The following SH3RF3 variants were observed in gnomAD, a reference collection of about 807,000 sequenced individuals.
SH3RF3 encodes E3 ubiquitin-protein ligase SH3RF3.
Under a neutral mutation model 66.3 loss-of-function variants are expected in SH3RF3, and 29 were observed. The observed-to-expected ratio is 0.44, with a 90% CI of 0.33 to 0.60. The LOEUF is 0.60. SH3RF3 is among the 20% of genes least tolerant of loss of function. The probability of loss-of-function intolerance (pLI) is 0.04; values close to 1 mark genes in which losing one functional copy is unlikely to be tolerated. For synonymous variants in SH3RF3, 583 were observed against 532.0 expected (o/e 1.10, Z -1.32); for missense variants, 1,194 against 1,190.9 (o/e 1.00, Z -0.04).
intron 1 of SH3RF3, among the ~76,000 whole-genome samples, chr2:109,202,881 A>AT (rs1461805394): frequency 6.6e-6 from 1 of 152,236 alleles, no homozygotes; most frequent in Non-Finnish European, 1.5e-5. Context: ...TGCTTGGCTG[A>AT]TTAGCACAGT....
intron 1 of SH3RF3, among the ~76,000 whole-genome samples, chr2:109,251,170 T>C (rs61272365): frequency 0.11 from 17,106 of 151,824 alleles, 1,530 homozygotes; most frequent in East Asian, 0.32. Context: ...GCCTGGCTAA[T>C]TTTTTTATTT....
chr2:109,406,888 A>G (rs1366771658), intron 4 of SH3RF3, among the ~76,000 whole-genome samples: 1 of 152,186 alleles, frequency 6.6e-6, no homozygotes, highest in Non-Finnish European at 1.5e-5. Flanking sequence ...AGGGGTGGGC[A>G]CATGGAGTCC....
intron 1 of SH3RF3, among the ~76,000 whole-genome samples, chr2:109,265,047 G>A (rs796074329): frequency 6.6e-5 from 10 of 152,338 alleles, no homozygotes; most frequent in African/African-American, 1.4e-4. Context: ...CTTGTGGACC[G>A]CAGTCTAATT....
intron 7 of SH3RF3, among the ~76,000 whole-genome samples, chr2:109,439,189 C>T (rs1677494629): frequency 6.6e-6 from 1 of 152,166 alleles, no homozygotes; most frequent in Non-Finnish European, 1.5e-5. Flanking sequence ...CTCAGTCCTC[C>T]ATCACCATAG....
chr2:109,405,257 G>C (rs1676424135), intron 4 of SH3RF3, among the ~76,000 whole-genome samples: 1 of 152,092 alleles, frequency 6.6e-6, no homozygotes, highest in South Asian at 2.1e-4. Flanking sequence ...CCGCAAACCT[G>C]CTTCCCCTTC....
At chr2:109,390,020 A>C (rs1216248386) in intron 3 of SH3RF3, among the ~76,000 whole-genome samples, 1 of 152,054 alleles carries the variant, frequency 6.6e-6, no homozygotes, top group African/African-American at 2.4e-5. Flanking sequence ...GAAATTAATC[A>C]CTTTGGTCCT....
chr2:109,448,289 G>A (rs1559088808), intron 7 of SH3RF3, among the ~76,000 whole-genome samples: 1 of 152,128 alleles, frequency 6.6e-6, no homozygotes, highest in Non-Finnish European at 1.5e-5. Context: ...ATTTTTCTGA[G>A]TGCTTCAGCT....
intron 3 of SH3RF3, among the ~76,000 whole-genome samples, chr2:109,373,417 A>G (rs1054985582): frequency 6.6e-6 from 1 of 152,254 alleles, no homozygotes; most frequent in African/African-American, 2.4e-5. Context: ...GTGTCCATCA[A>G]CAGTGGGATG....
chr2:109,185,615 C>G (rs374387720), intron 1 of SH3RF3, among the ~76,000 whole-genome samples: 1 of 152,082 alleles, frequency 6.6e-6, no homozygotes, highest in South Asian at 2.1e-4. Flanking sequence ...GGCAGAGAAG[C>G]CGGAGCCAAG....
At chr2:109,377,980 C>T (rs1247538453) in intron 3 of SH3RF3, among the ~76,000 whole-genome samples, 1 of 152,262 alleles carries the variant, frequency 6.6e-6, no homozygotes, top group African/African-American at 2.4e-5. Context: ...CCGCGTTCTG[C>T]ACTACCTCAA....
intron 1 of SH3RF3, among the ~76,000 whole-genome samples, chr2:109,185,137 G>A (rs1264692086): frequency 1.3e-5 from 2 of 152,152 alleles, no homozygotes; most frequent in Non-Finnish European, 1.5e-5. Context: ...TAGACAGTTT[G>A]GATTGCATCT....
At chr2:109,496,346 A>G (rs1679261706) in intron 9 of SH3RF3, among the ~76,000 whole-genome samples, 1 of 152,194 alleles carries the variant, frequency 6.6e-6, no homozygotes, top group Non-Finnish European at 1.5e-5. Flanking sequence ...CTTGCTAGCT[A>G]CAGAGTGCTG....
intron 1 of SH3RF3, among the ~76,000 whole-genome samples, chr2:109,195,910 A>G (rs1238999158): frequency 1.3e-5 from 2 of 152,170 alleles, no homozygotes; most frequent in African/African-American, 4.8e-5. Flanking sequence ...GGGTTGCATT[A>G]TCTCATTACT....
At chr2:109,336,586 A>C (rs1682426812) in intron 1 of SH3RF3, among the ~76,000 whole-genome samples, 1 of 152,256 alleles carries the variant, frequency 6.6e-6, no homozygotes, top group Non-Finnish European at 1.5e-5. Context: ...AGCCCTGGGC[A>C]GTGTTTCCAC....
At chr2:109,371,442 G>C (rs373629309) in intron 2 of SH3RF3, 144 bp from the exon 3 acceptor site, 1 of 600,636 alleles carries the variant, frequency 1.7e-6, no homozygotes, top group African/African-American at 1.8e-5. Flanking sequence ...GAAGATGTCA[G>C]ATACCTGAAT....
At chr2:109,278,860 G>T (rs1372932689) in intron 1 of SH3RF3, among the ~76,000 whole-genome samples, 1 of 152,218 alleles carries the variant, frequency 6.6e-6, no homozygotes, top group African/African-American at 2.4e-5. Flanking sequence ...CAAGTGTGGG[G>T]ACGTGCACTC....
At chr2:109,285,437 A>G (rs1445274861) in intron 1 of SH3RF3, among the ~76,000 whole-genome samples, 2 of 152,196 alleles carry the variant, frequency 1.3e-5, no homozygotes, top group East Asian at 3.9e-4. Flanking sequence ...TCTCCAGTGC[A>G]GTGTGCCTGC....
At chr2:109,457,639 C>T (rs968090705) in intron 8 of SH3RF3, among the ~76,000 whole-genome samples, 2 of 152,238 alleles carry the variant, frequency 1.3e-5, no homozygotes, top group Non-Finnish European at 2.9e-5. Context: ...GGAGCCCCGG[C>T]ACAACTCAAT....
intron 1 of SH3RF3, among the ~76,000 whole-genome samples, chr2:109,177,568 TACAAAG>T (rs1677951155): frequency 2.0e-5 from 3 of 152,034 alleles, no homozygotes; most frequent in Non-Finnish European, 4.4e-5. Flanking sequence ...GCACCATTCC[TACAAAG>T]TTAGTATCAG....
Sources: gnomAD v4.1 joint callset for allele counts (sites outside exome capture counted in the v4.1 genomes callset) on GRCh38, gnomAD v4.1.1 for gene constraint, MANE v1.5 for transcripts, NCBI Gene and HGNC (gene_info 2026-07-23, HGNC 2026-07-21) for gene names.